ADAR: variants seen among roughly 807,000 people sequenced by gnomAD.
ADAR encodes the protein double-stranded RNA-specific adenosine deaminase.
Under a neutral mutation model 113.2 loss-of-function variants are expected in ADAR, and 41 were observed. The ratio of observed to expected loss-of-function variants is 0.36; its 90% CI spans 0.28 to 0.47. ADAR has a LOEUF of 0.47. ADAR is among the 20% of genes least tolerant of loss of function. The probability of loss-of-function intolerance (pLI) is 1.00; values close to 1 mark genes in which losing one functional copy is unlikely to be tolerated. For synonymous variants in ADAR, 605 were observed against 572.6 expected (o/e 1.06, Z -0.81); for missense variants, 1,242 against 1,540.9 (o/e 0.81, Z 3.25).
rs1253179184 is a variant in ADAR, at chr1:154,602,562, T to C, written c.80A>G (p.Tyr27Cys). The C allele has an allele frequency of 1.2e-6, 2 of 1,614,182 alleles. No individual in the cohort carries two copies. The highest frequency in any genetic ancestry group is 3.3e-5 in the Admixed American group (2 of 60,034). Residue 27 changes from tyrosine to cysteine, a missense_variant, in exon 2 of 15, where the codon TAC becomes TGC. By Grantham distance (194) the Tyr-to-Cys change is radical. This residue lies in a region of ADAR where 462 missense variants were observed against 483.1 expected (regional missense o/e 0.96). Coordinates refer to ENST00000368474, the MANE Select transcript of ADAR (RefSeq NM_001111.5). ...GGAAGATCCTGGCCCAGGCTGCTGGTACCTGAGCTGTCTGTGCTCATAGCC... is the reference window on the plus strand; with the variant it reads ...GGAAGATCCTGGCCCAGGCTGCTGGCACCTGAGCTGTCTGTGCTCATAGCC... Reference protein sequence around the residue: ...FQGYEHRQLRYQQPGPGSSPS... With the variant: ...FQGYEHRQLRCQQPGPGSSPS...
chr1:154,611,256 C>T (rs971081589), upstream of ADAR, among the ~76,000 whole-genome samples: 3 of 152,172 alleles, frequency 2.0e-5, no homozygotes, highest in Admixed American at 6.5e-5. Flanking sequence ...CTGCTCCCCC[C>T]ACCCCTTTTA....
chr1:154,585,285 G>A lies in ADAR; in HGVS notation c.3375C>T (p.Ser1125=), dbSNP rs774730059. ...AGCCATCAGCCAGACACCAGTTGAC[G>A]CTTGTCTCCTTAGTCTTCCCGGATT... ...KRQSGKTKET[S]VNWCLADGYD... is the part of the protein sequence containing the mutation. Residue 1125 remains serine (S), a synonymous_variant, in exon 14 of 15, where the codon AGC becomes AGT. Transcript: ENST00000368474. 3.8e-5 allele frequency: 61 copies of A among 1,614,044 alleles called. No homozygotes were observed. The African/African-American group carries it at 5.9e-4, about 16-fold the overall frequency.
rs750144501 is a variant in ADAR, at chr1:154,602,052, A to G, written c.590T>C (p.Ile197Thr). ...KEAGTPPLWK[I>T]AVSTQAWNQH... is the part of the protein sequence containing the mutation. ...GTTCCAAGCCTGAGTGGAGACCGCG[A>G]TTTTCCACAAAGGGGGTGTTCCTGC... The change falls in exon 2 of 15, where the codon ATC becomes ACC. Residue 197 changes from isoleucine to threonine, a missense_variant. Around this residue, in one of 2 missense-constraint regions of ADAR, gnomAD observed 462 missense variants for 483.1 expected, o/e 0.96. Transcript: ENST00000368474. 6.2e-7 allele frequency: 1 copy of G among 1,613,940 alleles called. No individual in the cohort carries two copies. Among genetic ancestry groups the G allele is most frequent in the Non-Finnish European group, 8.5e-7 (1 of 1,179,926 alleles).
In ADAR at chr1:154,584,321, G is replaced by A. The variant is rs145719544; in HGVS notation, c.*485C>T. The A allele has an allele frequency of 2.4e-3, 378 of 158,974 alleles. 2 individuals are homozygous for A. The highest frequency in any genetic ancestry group is 8.4e-3 in the African/African-American group (349 of 41,576). 9.8% of individuals were successfully genotyped at this position (158,974 alleles called of 1,614,324 possible). ...TCTGAGGGGGAAAAGGAGACATTCA[G>A]ATCACAAGGAAAGAATCTCAGAAGG... On this transcript the variant is annotated 3_prime_UTR_variant, in exon 15 of 15. Coordinates refer to ENST00000368474, the MANE Select transcript of ADAR (RefSeq NM_001111.5).
intron 1 of ADAR, among the ~76,000 whole-genome samples, chr1:154,623,984 G>A (rs1022100880): frequency 6.7e-6 from 1 of 149,180 alleles, no homozygotes; most frequent in African/African-American, 2.5e-5. Context: ...GCCTGGGGGC[G>A]ACAGAGCAAG....
In ADAR at chr1:154,590,447, G is replaced by A. The variant is rs779633960; in HGVS notation, c.2271-38C>T. The A allele has an allele frequency of 5.0e-6, 8 of 1,592,534 alleles. No individual in the cohort carries two copies. In the South Asian group the frequency reaches 8.8e-5, roughly 18 times the overall value. On this transcript the variant is annotated intron_variant, in intron 6 of 14. Transcript: ENST00000368474. ...AAACAGAGAATGAAGACAAGTGCCA[G>A]ACCCTGACATTGTTCCAAGGAAGGG...
At chr1:154,586,944 A>G (rs1696803536) in intron 11 of ADAR, among the ~76,000 whole-genome samples, 1 of 152,144 alleles carries the variant, frequency 6.6e-6, no homozygotes, top group Non-Finnish European at 1.5e-5. Flanking sequence ...GGAAACCACT[A>G]TCGGGTTTAA....
intron 1 of ADAR, among the ~76,000 whole-genome samples, chr1:154,617,696 C>G (rs896218559): frequency 2.0e-5 from 3 of 152,102 alleles, no homozygotes; most frequent in Non-Finnish European, 4.4e-5. Context: ...ATATGAATTA[C>G]AGTGTAAGTA....
intron 4 of ADAR, 100 bp from the exon 5 acceptor site, chr1:154,597,367 C>A (rs1697572356): frequency 7.2e-7 from 1 of 1,389,566 alleles, no homozygotes; most frequent in African/African-American, 1.4e-5. Context: ...TGGTAATTTC[C>A]TTGAACACAT....
intron 2 of ADAR, chr1:154,600,659 A>T (rs1479707832): frequency 1.4e-5 from 4 of 291,270 alleles, no homozygotes; most frequent in Non-Finnish European, 2.0e-5. Flanking sequence ...TTTTTAGTAG[A>T]GACAGGGTTT....
rs1697955518 is a variant in ADAR, at chr1:154,602,525, G to A, written c.117C>T (p.Phe39=). The change falls in exon 2 of 15, where the codon TTC becomes TTT. Residue 39 remains phenylalanine (F), a synonymous_variant. Transcript: ENST00000368474. The part of the protein sequence containing the change: ...QPGPGSSPSS[F]LLKQIEFLKG... ...TGAGAAATTCTATTTGCTTAAGCAG[G>A]AAACTACTGGGGGAAGATCCTGGCC... The A allele has an allele frequency of 6.2e-7, 1 of 1,614,116 alleles. No homozygotes were observed. Among genetic ancestry groups the A allele is most frequent in the Non-Finnish European group, 8.5e-7 (1 of 1,180,048 alleles).
rs75273261 is a variant in ADAR at position 154,604,580 on chromosome 1, T to C, written c.16-1954A>G. Among the ~76,000 whole-genome samples the C allele has an allele frequency of 8.1e-3, 1,234 of 152,356 alleles. 10 individuals carry two copies. Among genetic ancestry groups the C allele is most frequent in the Middle Eastern group, 0.02 (6 of 294 alleles). On this transcript the variant is annotated intron_variant, in intron 1 of 14. Transcript: ENST00000368474. Reference sequence around the variant, plus strand: ...TCAATTGTGTTTAACAAACATGCCTTAGTTCACTGTGGATTGAGTACTCTT... The same window carrying C: ...TCAATTGTGTTTAACAAACATGCCTCAGTTCACTGTGGATTGAGTACTCTT...
At chr1:154,587,974 C>G in intron 11 of ADAR, 151 bp downstream of exon 11, 1 of 1,237,016 alleles carries the variant, frequency 8.1e-7, no homozygotes, top group South Asian at 1.2e-5. Context: ...TCTTACCACA[C>G]AGCTCCCTGA....
chr1:154,590,137 G>C lies in ADAR; in HGVS notation c.2496+47C>G, dbSNP rs540432480. Reference sequence around the variant, plus strand: ...AGAGCCACCTCCACTTAGGAGTTAGGAGGACCCCCCCGCCCCAAAAAAGGC... The same window carrying C: ...AGAGCCACCTCCACTTAGGAGTTAGCAGGACCCCCCCGCCCCAAAAAAGGC... On this transcript the variant is annotated intron_variant, in intron 7 of 14. Transcript: ENST00000368474. 1.5e-5 allele frequency: 22 copies of C among 1,435,326 alleles called. No homozygotes were observed. In the Admixed American group the frequency reaches 2.9e-4, roughly 19 times the overall value. The allele number at this position is 1,435,326 out of a possible 1,614,324, so 88.9% of individuals were successfully genotyped here.
chr1:154,610,872 G>A (rs1698467795), upstream of ADAR, among the ~76,000 whole-genome samples: 1 of 146,932 alleles, frequency 6.8e-6, no homozygotes, highest in Admixed American at 6.8e-5. Flanking sequence ...CTTCTAGGGA[G>A]AAAGGTGGGA....
chr1:154,596,658 T>C (rs1440436521), intron 6 of ADAR, 147 bp downstream of exon 6: 8 of 839,696 alleles, frequency 9.5e-6, no homozygotes, highest in Non-Finnish European at 1.6e-5. Flanking sequence ...TCTATTGTCT[T>C]CTAAGAGGCC....
intron 4 of ADAR, 108 bp from the exon 5 acceptor site, chr1:154,597,375 C>T: frequency 3.0e-6 from 4 of 1,335,184 alleles, no homozygotes; most frequent in Non-Finnish European, 4.2e-6. Flanking sequence ...TCCTTGAACA[C>T]ATCACCTCTG....
At chr1:154,589,997 G>A in intron 7 of ADAR, 69 bp from the exon 8 acceptor site, 3 of 1,590,578 alleles carry the variant, frequency 1.9e-6, no homozygotes, top group Non-Finnish European at 2.6e-6. Flanking sequence ...ACCGTGGGCA[G>A]GGAGATCAAG....
In ADAR at chr1:154,596,941, T is replaced by C. The variant is rs1285746174; in HGVS notation, c.2134A>G (p.Lys712Glu). 1 of 1,614,136 alleles carries C rather than the reference T, an allele frequency of 6.2e-7. No individual in the cohort carries two copies. The highest frequency in any genetic ancestry group is 1.1e-5 in the South Asian group (1 of 91,080). The change falls in exon 6 of 15, where the codon AAG becomes GAG. Residue 712 changes from lysine (K) to glutamate (E), a missense_variant. By Grantham distance (56) the Lys-to-Glu change is moderately conservative. Around this residue, in one of 2 missense-constraint regions of ADAR, gnomAD observed 780 missense variants for 1,057.9 expected, o/e 0.74. Transcript: ENST00000368474. ...LDNLESMMPN[K>E]VRKIGELVRY... ...ACGAGCTCGCCAATCTTCCTGACCT[T>C]GTTGGGCATCATGGATTCCAAGTTA... is the stretch of plus-strand genomic sequence containing the variant.
Sources: allele counts gnomAD v4.1 joint callset (sites outside exome capture counted in the v4.1 genomes callset), GRCh38; gene constraint gnomAD v4.1.1; regional missense constraint gnomAD v4.1.1; transcripts MANE v1.5; gene names NCBI Gene and HGNC (gene_info 2026-07-23, HGNC 2026-07-21).